TTC34: variants seen among roughly 807,000 people sequenced by gnomAD.
TTC34 encodes the protein tetratricopeptide repeat domain 34, also known as tetratricopeptide repeat protein 34.
Under a neutral mutation model 40.7 loss-of-function variants are expected in TTC34, and 44 were observed. The observed-to-expected ratio is 1.08, with a 90% CI of 0.85 to 1.39. TTC34 has a LOEUF of 1.39. Ranked by LOEUF, TTC34 falls within the 40% of genes most tolerant of loss-of-function variation. The pLI is 0.00. For missense variants in TTC34, 884 were observed against 838.0 expected (o/e 1.05, Z -0.68); for synonymous variants, 422 against 398.6 (o/e 1.06, Z -0.70).
At chr1:2,768,031 A>C (rs986051635) in intron 6 of TTC34, among the ~76,000 whole-genome samples, 1 of 151,302 alleles carries the variant, frequency 6.6e-6, no homozygotes, top group Non-Finnish European at 1.5e-5. Flanking sequence ...ACAGCATAAA[A>C]CAGCACCCCA....
chr1:2,642,208 G>C (rs1302088036), intron 8 of TTC34, among the ~76,000 whole-genome samples: 1 of 152,200 alleles, frequency 6.6e-6, no homozygotes, highest in Non-Finnish European at 1.5e-5. Flanking sequence ...CTGGGCCTCG[G>C]ATCAGGGACC....
chr1:2,755,020 A>C (rs1380147182), intron 6 of TTC34, among the ~76,000 whole-genome samples: 110 of 20,614 alleles, frequency 5.3e-3, no homozygotes, highest in African/African-American at 5.4e-3. Context: ...GCACCCACAC[A>C]CCCAAGTGAG....
rs1641271010 is a variant in TTC34, at chr1:2,750,250, G to T, written c.2226+33359C>A. On this transcript the variant is annotated intron_variant, in intron 6 of 8. Transcript: ENST00000401095. ...TCTGGAGCAGCACCCACACCCACAG[G>T]TGGGCATCTGACAGCCTGGAAAAGA... 1.1e-4 allele frequency among the ~76,000 whole-genome samples: 16 copies of T among 150,444 alleles called. No homozygotes were observed. In the East Asian group the frequency reaches 1.2e-3, roughly 11 times the overall value.
At chr1:2,759,702 T>A (rs1199688292) in intron 6 of TTC34, among the ~76,000 whole-genome samples, 2 of 114,938 alleles carry the variant, frequency 1.7e-5, no homozygotes, top group African/African-American at 4.1e-5. Context: ...TCCGACAGCC[T>A]GGAGCAGGAC....
At chr1:2,799,852 C>T (rs1371126033) in intron 2 of TTC34, among the ~76,000 whole-genome samples, 192 bp downstream of exon 2, 1 of 152,202 alleles carries the variant, frequency 6.6e-6, no homozygotes, top group African/African-American at 2.4e-5. Context: ...CCTTGCCCAT[C>T]CCATTTCTTA....
chr1:2,683,620 G>C lies in TTC34; in HGVS notation c.2227-38057C>G, dbSNP rs1173575940. ...TCAGGCGAGCATCTGACATCCTTCA[G>C]CAGCACCCACACCCCCAGGTGAGCA... On this transcript the variant is annotated intron_variant, in intron 6 of 8. Coordinates refer to ENST00000401095, the Ensembl canonical transcript of TTC34. Among the ~76,000 whole-genome samples the C allele has an allele frequency of 6.0e-3, 288 of 48,070 alleles. 2 individuals are homozygous for C. Among genetic ancestry groups the C allele is most frequent in the African/African-American group, 0.015 (276 of 18,320 alleles). The allele number at this position is 48,070 out of a possible 152,430, so 31.5% of individuals were successfully genotyped here.
intron 6 of TTC34, among the ~76,000 whole-genome samples, chr1:2,650,948 C>A (rs1469142782): frequency 6.6e-6 from 1 of 151,638 alleles, no homozygotes; most frequent in East Asian, 1.9e-4. Flanking sequence ...CACCCCAACC[C>A]CCCAGGTGAG....
At chr1:2,683,833 C>T (rs1298604446) in intron 6 of TTC34, among the ~76,000 whole-genome samples, 43 of 142,962 alleles carry the variant, frequency 3.0e-4, no homozygotes, top group African/African-American at 5.8e-4. Context: ...AGCACCCACA[C>T]CCCCAGGTGA....
At chr1:2,686,496 T>C (rs1428731320) in intron 6 of TTC34, among the ~76,000 whole-genome samples, 2 of 101,574 alleles carry the variant, frequency 2.0e-5, no homozygotes, top group African/African-American at 9.8e-5. Flanking sequence ...GCTGAGCCTG[T>C]GACAGCCTCG....
chr1:2,656,137 C>T (rs1639335816), intron 6 of TTC34, among the ~76,000 whole-genome samples: 3 of 152,202 alleles, frequency 2.0e-5, no homozygotes, highest in African/African-American at 7.2e-5. Context: ...ACCCACAGCC[C>T]CAGGTGAGCA....
chr1:2,771,609 A>T (rs1394130917), intron 6 of TTC34, among the ~76,000 whole-genome samples: 1 of 16,254 alleles, frequency 6.2e-5, no homozygotes, highest in Non-Finnish European at 9.7e-5. Flanking sequence ...CACACCCCCA[A>T]GTGAGCAGGT....
At chr1:2,653,549 GC>G (rs1258086904) in intron 6 of TTC34, among the ~76,000 whole-genome samples, 6 of 147,380 alleles carry the variant, frequency 4.1e-5, no homozygotes, top group African/African-American at 1.5e-4. Context: ...GTATCTGACG[GC>G]CAGGAATAGC....
At chr1:2,782,163 T>C (rs1162312938) in intron 6 of TTC34, among the ~76,000 whole-genome samples, 1 of 152,258 alleles carries the variant, frequency 6.6e-6, no homozygotes, top group East Asian at 1.9e-4. Context: ...TTTTGATTAC[T>C]GACTCAATCT....
At chr1:2,672,800 G>T in intron 6 of TTC34, among the ~76,000 whole-genome samples, 1 of 99,188 alleles carries the variant, frequency 1.0e-5, no homozygotes, top group African/African-American at 3.0e-5. Flanking sequence ...ACGCCCCCAG[G>T]CGAGCATCTG....
intron 8 of TTC34, among the ~76,000 whole-genome samples, chr1:2,643,110 C>T (rs911428499): frequency 1.3e-5 from 2 of 152,182 alleles, no homozygotes; most frequent in Non-Finnish European, 2.9e-5. Context: ...GAGCAGCTGT[C>T]GGACCCCGGG....
intron 6 of TTC34, among the ~76,000 whole-genome samples, chr1:2,687,130 G>A: frequency 6.9e-6 from 1 of 145,430 alleles, no homozygotes; most frequent in South Asian, 2.1e-4. Context: ...CACACCCACA[G>A]GTGAGCATCT....
At chr1:2,756,628 C>T (rs1322575473) in intron 6 of TTC34, among the ~76,000 whole-genome samples, 1 of 56,016 alleles carries the variant, frequency 1.8e-5, no homozygotes, top group African/African-American at 4.5e-5. Context: ...CACCCACACC[C>T]CCAGGTGAGC....
chr1:2,698,514 G>A (rs1429998011), intron 6 of TTC34, among the ~76,000 whole-genome samples: 5 of 131,538 alleles, frequency 3.8e-5, no homozygotes, highest in Admixed American at 7.3e-5. Flanking sequence ...ACAGCCTGAA[G>A]CAGCACCCCA....
intron 2 of TTC34, among the ~76,000 whole-genome samples, chr1:2,795,985 T>C (rs897508494): frequency 6.6e-6 from 1 of 152,196 alleles, no homozygotes. Context: ...TATTGACAGG[T>C]CAGATCTTTG....
Sources: gnomAD v4.1 joint callset for allele counts (sites outside exome capture counted in the v4.1 genomes callset) on GRCh38, gnomAD v4.1.1 for gene constraint, MANE v1.5 for transcripts, NCBI Gene and HGNC (gene_info 2026-07-23, HGNC 2026-07-21) for gene names.